The following SMIM8 variants were observed in gnomAD, a reference collection of about 807,000 sequenced individuals.
The protein encoded by SMIM8 is small integral membrane protein 8, also known as UPF0708 protein C6orf162.
SMIM8 carries 8 observed loss-of-function variants against 8.1 expected under a neutral mutation model. The ratio of observed to expected loss-of-function variants is 0.99; its 90% CI spans 0.58 to 1.78. The LOEUF is 1.78. Ranked by LOEUF, SMIM8 falls within the 40% of genes most tolerant of loss-of-function variation. The probability of loss-of-function intolerance (pLI) is 0.00; values close to 1 mark genes in which losing one functional copy is unlikely to be tolerated. For synonymous variants in SMIM8, 45 were observed against 39.7 expected, an observed-to-expected ratio of 1.13 and a Z score of -0.50; for missense variants, 126 against 119.8, an observed-to-expected ratio of 1.05 and a Z score of -0.24.
At chr6:87,325,556 G>A (rs12211685) in intron 1 of SMIM8, among the ~76,000 whole-genome samples, 57,799 of 147,454 alleles carry the variant, frequency 0.39, 12,165 homozygotes, top group Non-Finnish European at 0.48. Flanking sequence ...CTGTTTATAT[G>A]CTGGATTACA....
intron 2 of SMIM8, 66 bp from the exon 3 acceptor site, chr6:87,336,939 ATTAC>A (rs1244593965): frequency 4.0e-5 from 51 of 1,289,450 alleles, no homozygotes; most frequent in South Asian, 5.7e-5. Context: ...GAATTTAAGA[ATTAC>A]TTTTTAAAGA....
In SMIM8 at chr6:87,340,303, A is replaced by G; in HGVS notation, c.*29A>G. On this transcript the variant is annotated 3_prime_UTR_variant, in exon 4 of 4. Transcript: ENST00000392863. ...TGCTGGTTAGTGCAGATGGACCTTT[A>G]TTAAAGGTTCTGAAATCTTCAAATG... 6.5e-7 allele frequency: 1 copy of G among 1,527,248 alleles called. No individual in the cohort carries two copies. Among genetic ancestry groups the G allele is most frequent in the Non-Finnish European group, 8.7e-7 (1 of 1,143,126 alleles). 94.6% of individuals were successfully genotyped at this position (1,527,248 alleles called of 1,614,324 possible). A position where few individuals can be genotyped will look rare whatever the true frequency, so the allele number is the denominator to read the frequency against.
At position 87,341,065 on chromosome 6, in the gene SMIM8, A is replaced by C. The variant is rs1777223058; in HGVS notation, c.*791A>C. 2.6e-6 allele frequency: 1 copy of C among 383,396 alleles called. No homozygotes were observed. The highest frequency in any genetic ancestry group is 4.6e-6 in the Non-Finnish European group (1 of 217,268). 23.7% of individuals were successfully genotyped at this position (383,396 alleles called of 1,614,324 possible). Reference sequence around the variant, plus strand: ...TGTTTATGTTAATTTGTGTTAATTAATGTTACTGTAATGTTATAAACATAA... The same window carrying C: ...TGTTTATGTTAATTTGTGTTAATTACTGTTACTGTAATGTTATAAACATAA... On this transcript the variant is annotated 3_prime_UTR_variant, in exon 4 of 4. Transcript: ENST00000392863.
At chr6:87,328,760 T>A (rs572069441) in intron 1 of SMIM8, among the ~76,000 whole-genome samples, 1 of 152,202 alleles carries the variant, frequency 6.6e-6, no homozygotes, top group Non-Finnish European at 1.5e-5. Context: ...CAGGCCTCCT[T>A]GAGCTGTGGT....
At chr6:87,337,794 T>C (rs1777144363) in intron 3 of SMIM8, among the ~76,000 whole-genome samples, 1 of 152,122 alleles carries the variant, frequency 6.6e-6, no homozygotes, top group Non-Finnish European at 1.5e-5. Context: ...GCCTGGCTCA[T>C]TTTTAAAATT....
Position 87,340,354 on chromosome 6 carries a change from ATGTTTCT to A in SMIM8, c.*85_*91del. On this transcript the variant is annotated 3_prime_UTR_variant, in exon 4 of 4. Transcript: ENST00000392863. ...AAAGACCTTGTGAGTGTACAGTATCATGTTTCTTGTTCTAGAACATGCTAATGAAGAG... is the reference window on the plus strand; with the variant it reads ...AAAGACCTTGTGAGTGTACAGTATCATGTTCTAGAACATGCTAATGAAGAG... The A allele has an allele frequency of 7.5e-7, 1 of 1,324,842 alleles. No individual in the cohort carries two copies. Among genetic ancestry groups the A allele is most frequent in the Non-Finnish European group, 9.8e-7 (1 of 1,017,442 alleles). 82.1% of individuals were successfully genotyped at this position (1,324,842 alleles called of 1,614,324 possible).
chr6:87,323,580 C>T (rs1582083032), intron 1 of SMIM8, among the ~76,000 whole-genome samples: 1 of 151,962 alleles, frequency 6.6e-6, no homozygotes, highest in African/African-American at 2.4e-5. Context: ...CAATTTCATC[C>T]ATGTCCCTAC....
chr6:87,334,900 A>G (rs538610278), intron 2 of SMIM8, among the ~76,000 whole-genome samples: 60 of 152,292 alleles, frequency 3.9e-4, no homozygotes, highest in African/African-American at 1.4e-3. Flanking sequence ...TTGCCAGTAG[A>G]CAATTGGTCT....
At chr6:87,331,983 A>G (rs941916508) in intron 2 of SMIM8, among the ~76,000 whole-genome samples, 1 of 152,164 alleles carries the variant, frequency 6.6e-6, no homozygotes, top group Non-Finnish European at 1.5e-5. Flanking sequence ...CATTTCTAGC[A>G]GAGTTTAACA....
intron 2 of SMIM8, among the ~76,000 whole-genome samples, chr6:87,332,522 A>T (rs959953490): frequency 6.7e-6 from 1 of 148,834 alleles, no homozygotes; most frequent in African/African-American, 2.4e-5. Context: ...ATAATTTATT[A>T]TGTTAATAAA....
rs397516 is a variant in SMIM8, at chr6:87,341,334, T to C, written c.*1060T>C. On this transcript the variant is annotated 3_prime_UTR_variant, in exon 4 of 4. Transcript: ENST00000392863. ...AAACAAAGCCTAGCCCTACGGTCAG[T>C]ACCCACTGGAGGTGAGAAGCAGAAT... 0.61 allele frequency: 243,474 copies of C among 398,256 alleles called. 75,239 individuals are homozygous for C. The highest frequency in any genetic ancestry group is 0.71 in the African/African-American group (34,738 of 48,656). The allele number at this position is 398,256 out of a possible 1,614,324, so 24.7% of individuals were successfully genotyped here.
intron 1 of SMIM8, among the ~76,000 whole-genome samples, chr6:87,324,961 A>C (rs945117120): frequency 6.6e-6 from 1 of 152,014 alleles, no homozygotes; most frequent in African/African-American, 2.4e-5. Flanking sequence ...AGTGGTTTGT[A>C]GTTCTCCTTG....
intron 2 of SMIM8, among the ~76,000 whole-genome samples, chr6:87,335,089 A>G (rs1777077776): frequency 6.6e-6 from 1 of 152,236 alleles, no homozygotes; most frequent in South Asian, 2.1e-4. Context: ...GGAGAAAAGC[A>G]ACATGAGTAA....
intron 2 of SMIM8, among the ~76,000 whole-genome samples, chr6:87,335,163 C>T (rs1410977747): frequency 6.6e-6 from 1 of 152,152 alleles, no homozygotes; most frequent in Non-Finnish European, 1.5e-5. Flanking sequence ...GAAATGTTAG[C>T]AAAACACAGG....
chr6:87,337,252 A>G (rs1427322385), intron 3 of SMIM8, 86 bp downstream of exon 3: 4 of 1,427,042 alleles, frequency 2.8e-6, no homozygotes, highest in South Asian at 1.8e-5. Context: ...TGATTTTATC[A>G]TGGAAATTTT....
chr6:87,336,150 A>G (rs1159914074), intron 2 of SMIM8, among the ~76,000 whole-genome samples: 1 of 152,194 alleles, frequency 6.6e-6, no homozygotes, highest in Non-Finnish European at 1.5e-5. Flanking sequence ...AAATAATTTT[A>G]CTATATTGTC....
rs1373954802 is a variant in SMIM8 at position 87,341,413 on chromosome 6, A to C, written c.*1139A>C. ...GGGGCCTAGGACAGAGGTCAAGGCT[A>C]GGCCCCTGTGTCTGGCCAGATTCTG... On this transcript the variant is annotated 3_prime_UTR_variant, in exon 4 of 4. Transcript: ENST00000392863. 2 of 396,856 alleles carry C rather than the reference A, an allele frequency of 5.0e-6. No individual in the cohort carries two copies. The highest frequency in any genetic ancestry group is 8.9e-6 in the Non-Finnish European group (2 of 225,188). 24.6% of individuals were successfully genotyped at this position (396,856 alleles called of 1,614,324 possible).
chr6:87,333,671 A>G (rs1029347366), intron 2 of SMIM8, among the ~76,000 whole-genome samples: 13 of 152,182 alleles, frequency 8.5e-5, no homozygotes, highest in African/African-American at 2.7e-4. Context: ...ACATTTTTGA[A>G]AGATTGAGCC....
Position 87,340,284 on chromosome 6 carries a change from T to G in SMIM8, c.*10T>G. 1 of 1,578,166 alleles carries G rather than the reference T, an allele frequency of 6.3e-7. No homozygotes were observed. The highest frequency in any genetic ancestry group is 8.6e-7 in the Non-Finnish European group (1 of 1,166,890). ...ATCCAAATGGGATTAGTAGTGCTGG[T>G]TAGTGCAGATGGACCTTTATTAAAG... is the stretch of plus-strand genomic sequence containing the variant. On this transcript the variant is annotated 3_prime_UTR_variant, in exon 4 of 4. Transcript: ENST00000392863.
Sources: allele counts gnomAD v4.1 joint callset (sites outside exome capture counted in the v4.1 genomes callset), GRCh38; gene constraint gnomAD v4.1.1; transcripts MANE v1.5; gene names NCBI Gene and HGNC (gene_info 2026-07-23, HGNC 2026-07-21).